The following OPCML variants were observed in gnomAD, a reference collection of about 807,000 sequenced individuals.
OPCML encodes opioid-binding protein/cell adhesion molecule.
OPCML carries 13 observed loss-of-function variants against 37.8 expected under a neutral mutation model. The observed-to-expected ratio is 0.34, with a 90% CI of 0.22 to 0.55. The LOEUF (loss-of-function observed/expected upper bound fraction) is 0.55, where lower values mean the gene tolerates loss of function less well. Among genes scored for constraint, OPCML ranks in the 20% least tolerant of loss-of-function variants. The pLI is 0.91. For missense variants in OPCML, 341 were observed against 435.6 expected, an observed-to-expected ratio of 0.78 and a Z score of 1.93; for synonymous variants, 176 against 168.8, an observed-to-expected ratio of 1.04 and a Z score of -0.33.
chr11:133,230,543 A>G (rs933297283), intron 1 of OPCML, among the ~76,000 whole-genome samples: 1 of 152,118 alleles, frequency 6.6e-6, no homozygotes, highest in African/African-American at 2.4e-5. Flanking sequence ...CCCCCACCAC[A>G]CCCAAACTTT....
In OPCML at chr11:133,206,168, C is replaced by A. The variant is rs1004659200; in HGVS notation, c.62-263158G>T. On this transcript the variant is annotated intron_variant, in intron 1 of 7. Transcript: ENST00000524381. The surrounding 1 kb of genome is among the most constrained non-coding windows in gnomAD (Gnocchi z 4.7). ...GTTTCAAGGTTTCAAAAAGACAATG[C>A]ACAAAAAACTGCTTCCCATGGTGCC... Among the ~76,000 whole-genome samples the A allele has an allele frequency of 6.6e-6, 1 of 152,126 alleles. No individual in the cohort carries two copies. Among genetic ancestry groups the A allele is most frequent in the Admixed American group, 6.5e-5 (1 of 15,284 alleles).
chr11:132,657,145 G>C lies in OPCML; in HGVS notation c.321C>G (p.Thr107=). Residue 107 remains threonine (T), a synonymous_variant, in exon 3 of 8, where the codon ACC becomes ACG. Coordinates refer to ENST00000524381, the MANE Select transcript of OPCML (RefSeq NM_001012393.5). ...NVDVYDEGPY[T]CSVQTDNHPK... ...GATGATTGTCTGTCTGCACAGAGCA[G>C]GTGTACGGACCTTCGTCATACACAT... 6.2e-7 allele frequency: 1 copy of C among 1,614,246 alleles called. No individual in the cohort carries two copies. Among genetic ancestry groups the C allele is most frequent in the Non-Finnish European group, 8.5e-7 (1 of 1,180,042 alleles).
chr11:133,082,707 C>T (rs922346129), intron 1 of OPCML, among the ~76,000 whole-genome samples: 11 of 139,926 alleles, frequency 7.9e-5, no homozygotes, highest in Admixed American at 2.1e-4. Flanking sequence ...GCGAGGGGCT[C>T]AAGGCCCCTC....
chr11:133,204,973 A>C (rs1938999408), intron 1 of OPCML, among the ~76,000 whole-genome samples: 2 of 148,014 alleles, frequency 1.4e-5, no homozygotes, highest in African/African-American at 2.5e-5. Flanking sequence ...AACCCTTGGA[A>C]TCTCCAAACT....
At chr11:132,814,606 G>A (rs1257652251) in intron 2 of OPCML, among the ~76,000 whole-genome samples, 1 of 152,188 alleles carries the variant, frequency 6.6e-6, no homozygotes, top group Non-Finnish European at 1.5e-5. Flanking sequence ...AGTTTAATGA[G>A]TCCGCAGTCC....
intron 2 of OPCML, among the ~76,000 whole-genome samples, chr11:132,783,981 T>C (rs1193585868): frequency 6.6e-6 from 1 of 152,228 alleles, no homozygotes; most frequent in Admixed American, 6.5e-5. Flanking sequence ...CCTGATTTAA[T>C]GATCAGATAG....
intron 1 of OPCML, among the ~76,000 whole-genome samples, chr11:133,342,407 A>G (rs989359075): frequency 2.0e-5 from 3 of 152,190 alleles, no homozygotes; most frequent in African/African-American, 7.2e-5. Context: ...TCTCTGTACT[A>G]GAAATCGAAG....
At position 132,480,590 on chromosome 11, in the gene OPCML, G is replaced by A. The variant is rs376096851; in HGVS notation, c.506-43231C>T. Among the ~76,000 whole-genome samples, 30 of 152,198 alleles carry A rather than the reference G, an allele frequency of 2.0e-4. No homozygotes were observed. In the East Asian group the frequency reaches 4.3e-3, roughly 22 times the overall value. On this transcript the variant is annotated intron_variant, in intron 4 of 7. Transcript: ENST00000524381. Reference sequence around the variant, plus strand: ...TGTCAGATTCACCAAAGTTGAAATGGAGGAAAAAATGTTAAGGGCAGCCAG... The same window carrying A: ...TGTCAGATTCACCAAAGTTGAAATGAAGGAAAAAATGTTAAGGGCAGCCAG...
chr11:133,413,233 T>C (rs911748484), intron 1 of OPCML, among the ~76,000 whole-genome samples: 1 of 150,410 alleles, frequency 6.6e-6, no homozygotes, highest in African/African-American at 2.4e-5. Flanking sequence ...GGGGTAGGAG[T>C]TGTTAAAATT....
chr11:133,335,341 C>T (rs1038887987), intron 1 of OPCML, among the ~76,000 whole-genome samples: 1 of 152,184 alleles, frequency 6.6e-6, no homozygotes, highest in Non-Finnish European at 1.5e-5. Context: ...ATCCAGTTCT[C>T]ATTTCAACAC....
rs372084249 is a variant in OPCML, at chr11:133,112,351, G to A, written c.62-169341C>T. Reference sequence around the variant, plus strand: ...ATATCTCATATCACTTGGAAAACACGGTTGAATGTAAAAGCAGAAAAATAA... The same window carrying A: ...ATATCTCATATCACTTGGAAAACACAGTTGAATGTAAAAGCAGAAAAATAA... On this transcript the variant is annotated intron_variant, in intron 1 of 7. Transcript: ENST00000524381. Among the ~76,000 whole-genome samples, 64 of 131,336 alleles carry A rather than the reference G, an allele frequency of 4.9e-4. No homozygotes were observed. The South Asian group carries it at 7.9e-3, about 16-fold the overall frequency. 86.2% of individuals were successfully genotyped at this position (131,336 alleles called of 152,430 possible). A position where few individuals can be genotyped will look rare whatever the true frequency, so the allele number is the denominator to read the frequency against.
intron 2 of OPCML, among the ~76,000 whole-genome samples, chr11:132,753,691 G>A (rs1945923285): frequency 1.3e-5 from 2 of 152,316 alleles, no homozygotes; most frequent in Non-Finnish European, 1.5e-5. Context: ...AGTTGAGGAA[G>A]AGGTCATTTC....
chr11:132,428,221 G>GA (rs1204886105), intron 7 of OPCML, among the ~76,000 whole-genome samples: 1 of 152,202 alleles, frequency 6.6e-6, no homozygotes, highest in Non-Finnish European at 1.5e-5. Context: ...GGGAAAGTCA[G>GA]AAAAATAGTC....
At chr11:133,228,649 C>G (rs973239212) in intron 1 of OPCML, among the ~76,000 whole-genome samples, 1 of 152,242 alleles carries the variant, frequency 6.6e-6, no homozygotes, top group Non-Finnish European at 1.5e-5. Context: ...CTTGGGCTGC[C>G]CCTCCTACTG....
chr11:132,761,718 T>C (rs1315866924), intron 2 of OPCML, among the ~76,000 whole-genome samples: 1 of 152,166 alleles, frequency 6.6e-6, no homozygotes, highest in South Asian at 2.1e-4. Context: ...TAACCTTTTA[T>C]CAAGGTTCTT....
chr11:133,441,593 CT>C (rs1303038345), intron 1 of OPCML, among the ~76,000 whole-genome samples: 1 of 151,956 alleles, frequency 6.6e-6, no homozygotes, highest in Non-Finnish European at 1.5e-5. Flanking sequence ...ATAAACAACC[CT>C]TTATGATTAT....
chr11:132,861,670 A>G (rs1029192475), intron 2 of OPCML, among the ~76,000 whole-genome samples: 2 of 152,018 alleles, frequency 1.3e-5, no homozygotes, highest in African/African-American at 4.8e-5. Flanking sequence ...CCCTGTCTCT[A>G]CAAAAATACA....
intron 1 of OPCML, among the ~76,000 whole-genome samples, chr11:133,278,564 G>A (rs969471867): frequency 6.6e-6 from 1 of 151,966 alleles, no homozygotes; most frequent in Non-Finnish European, 1.5e-5. Context: ...TATGGTTGGG[G>A]GAGTGGGAAG....
intron 2 of OPCML, among the ~76,000 whole-genome samples, chr11:132,890,004 T>C (rs1414389321): frequency 1.3e-5 from 2 of 152,190 alleles, no homozygotes; most frequent in Admixed American, 6.5e-5. Flanking sequence ...CCTAAACTAA[T>C]TTCATATTTT....
Sources: gnomAD v4.1 joint callset for allele counts (sites outside exome capture counted in the v4.1 genomes callset) on GRCh38, gnomAD v4.1.1 for gene constraint, Gnocchi (gnomAD v3.1) non-coding constraint, MANE v1.5 for transcripts, NCBI Gene and HGNC (gene_info 2026-07-23, HGNC 2026-07-21) for gene names.